Variants in PHACTR3 observed in about 807,000 individuals in gnomAD.
PHACTR3 encodes phosphatase and actin regulator 3, also known as protein phosphatase 1, regulatory subunit 123.
Under a neutral mutation model 66.8 loss-of-function variants are expected in PHACTR3, and 16 were observed. The observed-to-expected ratio is 0.24, with a 90% CI of 0.16 to 0.36. The LOEUF (loss-of-function observed/expected upper bound fraction) is 0.36. PHACTR3 is among the 10% of genes least tolerant of loss of function. PHACTR3 has a pLI of 1.00. For synonymous variants in PHACTR3, 323 were observed against 292.1 expected (o/e 1.11, Z -1.08); for missense variants, 647 against 719.9 (o/e 0.90, Z 1.16).
chr20:59,681,007 C>T (rs1352683202), intron 1 of PHACTR3, among the ~76,000 whole-genome samples: 1 of 152,098 alleles, frequency 6.6e-6, no homozygotes, highest in Non-Finnish European at 1.5e-5. Context: ...GTGGCATCTG[C>T]CCAGGAAAAA....
intron 9 of PHACTR3, among the ~76,000 whole-genome samples, chr20:59,838,944 GGCACAAAGCA>G (rs2059011980): frequency 6.6e-6 from 1 of 151,906 alleles, no homozygotes; most frequent in South Asian, 2.1e-4. Context: ...CAGAGCGCCT[GGCACAAAGCA>G]GCACTCTGAC....
intron 8 of PHACTR3, among the ~76,000 whole-genome samples, chr20:59,833,949 G>A (rs1369383609): frequency 6.6e-6 from 1 of 152,104 alleles, no homozygotes; most frequent in Non-Finnish European, 1.5e-5. Flanking sequence ...GTCTTCGAGT[G>A]GAACAAGGTG....
intron 1 of PHACTR3, among the ~76,000 whole-genome samples, chr20:59,659,472 A>C (rs2035740308): frequency 6.9e-6 from 1 of 145,710 alleles, no homozygotes; most frequent in Non-Finnish European, 1.5e-5. Flanking sequence ...TCCTGGATTC[A>C]AGTGATTCTC....
intron 8 of PHACTR3, among the ~76,000 whole-genome samples, chr20:59,815,414 T>C (rs1156411309): frequency 5.4e-5 from 8 of 149,402 alleles, no homozygotes; most frequent in African/African-American, 2.0e-4. Context: ...TACTTGGGGT[T>C]CTGGTTTTTT....
intron 11 of PHACTR3, among the ~76,000 whole-genome samples, chr20:59,842,890 G>A (rs893515174): frequency 6.6e-6 from 1 of 151,874 alleles, no homozygotes; most frequent in African/African-American, 2.4e-5. Flanking sequence ...CAGAGCAATC[G>A]AGCAACAGAA....
At chr20:59,584,179 C>T (rs1286080131) in intron 1 of PHACTR3, among the ~76,000 whole-genome samples, 1 of 152,164 alleles carries the variant, frequency 6.6e-6, no homozygotes, top group East Asian at 1.9e-4. Flanking sequence ...CCCTTAAGGA[C>T]AAGTGTGTGT....
At chr20:59,690,064 C>T (rs2037053827) in intron 1 of PHACTR3, among the ~76,000 whole-genome samples, 1 of 152,170 alleles carries the variant, frequency 6.6e-6, no homozygotes, top group Non-Finnish European at 1.5e-5. Context: ...TCTTGTTTCA[C>T]ATCTTTCAGT....
chr20:59,750,843 G>A (rs961050671), intron 3 of PHACTR3, among the ~76,000 whole-genome samples: 4 of 151,974 alleles, frequency 2.6e-5, no homozygotes, highest in East Asian at 1.9e-4. Flanking sequence ...TGTAATCAAC[G>A]TGCTGTAATA....
rs893841166 is a variant in PHACTR3, at chr20:59,847,622, T to C, written c.*492T>C. ...ACTGTATTATACTTTTCCTTTTTTATATAATGTCTAACAAAAAATACAGCT... is the reference window on the plus strand; with the variant it reads ...ACTGTATTATACTTTTCCTTTTTTACATAATGTCTAACAAAAAATACAGCT... On this transcript the variant is annotated 3_prime_UTR_variant, in exon 13 of 13. Coordinates refer to ENST00000371015, the MANE Select transcript of PHACTR3 (RefSeq NM_080672.5). The C allele has an allele frequency of 6.5e-6, 1 of 152,818 alleles. No homozygotes were observed. Among genetic ancestry groups the C allele is most frequent in the African/African-American group, 2.4e-5 (1 of 41,486 alleles). The allele number at this position is 152,818 out of a possible 1,614,324, so 9.5% of individuals were successfully genotyped here.
Position 59,615,891 on chromosome 20 carries a change from G to A in PHACTR3, c.118+10759G>A, listed in dbSNP as rs1039005834. Among the ~76,000 whole-genome samples, 8 of 152,224 alleles carry A rather than the reference G, an allele frequency of 5.3e-5. No individual in the cohort carries two copies. In the South Asian group the frequency reaches 1.7e-3, roughly 32 times the overall value. ...GTAGATACAGGAGAGGTGGAGAATTGGGGCCAGTCTTGTAATCCACACATT... is the reference window on the plus strand; with the variant it reads ...GTAGATACAGGAGAGGTGGAGAATTAGGGCCAGTCTTGTAATCCACACATT... On this transcript the variant is annotated intron_variant, in intron 1 of 12. Coordinates refer to ENST00000371015, the MANE Select transcript of PHACTR3 (RefSeq NM_080672.5).
intron 8 of PHACTR3, among the ~76,000 whole-genome samples, chr20:59,826,977 C>T (rs2042210924): frequency 6.6e-6 from 1 of 152,150 alleles, no homozygotes; most frequent in Non-Finnish European, 1.5e-5. Context: ...CTTCCCTCTC[C>T]CTGCTCCCCT....
chr20:59,694,022 G>A (rs977006772), intron 1 of PHACTR3, among the ~76,000 whole-genome samples: 1 of 152,204 alleles, frequency 6.6e-6, no homozygotes, highest in Non-Finnish European at 1.5e-5. Context: ...GGCCTAGTCT[G>A]GGGAGATGAA....
intron 8 of PHACTR3, among the ~76,000 whole-genome samples, chr20:59,810,358 C>A (rs1420434436): frequency 3.9e-5 from 6 of 152,220 alleles, no homozygotes. Context: ...TGTAGTAGCT[C>A]CCTGCTATTT....
At chr20:59,607,396 GACT>G (rs1418259049) in intron 1 of PHACTR3, among the ~76,000 whole-genome samples, 1 of 152,138 alleles carries the variant, frequency 6.6e-6, no homozygotes, top group Non-Finnish European at 1.5e-5. Flanking sequence ...TCTAATGTGA[GACT>G]CCTGAAAATT....
intron 1 of PHACTR3, among the ~76,000 whole-genome samples, chr20:59,678,079 T>G (rs1015605165): frequency 6.6e-6 from 1 of 152,196 alleles, no homozygotes; most frequent in Admixed American, 6.5e-5. Context: ...ATACATTTTC[T>G]TCTGTTCCTG....
intron 1 of PHACTR3, among the ~76,000 whole-genome samples, chr20:59,741,891 T>C (rs1197385746): frequency 6.6e-6 from 1 of 151,984 alleles, no homozygotes; most frequent in African/African-American, 2.4e-5. Context: ...GCCTCCTGAG[T>C]AGCTGGGATT....
At chr20:59,751,701 C>T (rs1318233314) in intron 3 of PHACTR3, among the ~76,000 whole-genome samples, 1 of 152,126 alleles carries the variant, frequency 6.6e-6, no homozygotes, top group Non-Finnish European at 1.5e-5. Flanking sequence ...GTTCCTGTGA[C>T]TCTAGTCGCC....
chr20:59,723,098 CTTTCT>C (rs1395222576), intron 1 of PHACTR3, among the ~76,000 whole-genome samples: 2 of 138,822 alleles, frequency 1.4e-5, no homozygotes, highest in South Asian at 2.4e-4. Flanking sequence ...TTCTTTCTTT[CTTTCT>C]TTCTTTCTTT....
At chr20:59,599,322 C>T (rs1233073094) in intron 1 of PHACTR3, among the ~76,000 whole-genome samples, 2 of 152,210 alleles carry the variant, frequency 1.3e-5, no homozygotes, top group Non-Finnish European at 2.9e-5. Flanking sequence ...GCCTGTGAAG[C>T]CGACATTGCC....
Sources: gnomAD v4.1 joint callset for allele counts (sites outside exome capture counted in the v4.1 genomes callset) on GRCh38, gnomAD v4.1.1 for gene constraint, MANE v1.5 for transcripts, NCBI Gene and HGNC (gene_info 2026-07-23, HGNC 2026-07-21) for gene names.